Variants in GALNTL6 observed in about 807,000 individuals in gnomAD.
GALNTL6 encodes polypeptide N-acetylgalactosaminyltransferase like 6, also known as polypeptide N-acetylgalactosaminyltransferase-like 6.
Under a neutral mutation model 73.7 loss-of-function variants are expected in GALNTL6, and 46 were observed. The ratio of observed to expected loss-of-function variants is 0.62; its 90% CI spans 0.49 to 0.80. The LOEUF (loss-of-function observed/expected upper bound fraction) is 0.80, where lower values mean the gene tolerates loss of function less well. Ranked by LOEUF, GALNTL6 falls within the 30% of genes least tolerant of loss-of-function variation. The pLI, the probability that GALNTL6 is intolerant of heterozygous loss-of-function variation, is 0.00. For synonymous variants in GALNTL6, 259 were observed against 263.7 expected (o/e 0.98, Z 0.17); for missense variants, 604 against 755.0 (o/e 0.80, Z 2.34).
intron 5 of GALNTL6, among the ~76,000 whole-genome samples, chr4:172,661,306 C>A (rs1407215465): frequency 6.6e-6 from 1 of 152,160 alleles, no homozygotes; most frequent in Non-Finnish European, 1.5e-5. Flanking sequence ...TGCAACTCAC[C>A]CCTGGGTCTC....
At chr4:172,139,942 A>G (rs1309236218) in intron 2 of GALNTL6, among the ~76,000 whole-genome samples, 1 of 152,070 alleles carries the variant, frequency 6.6e-6, no homozygotes, top group Non-Finnish European at 1.5e-5. Context: ...AAATGTGTAT[A>G]TTGTACTCCA....
chr4:172,546,495 TA>T (rs35015321), intron 5 of GALNTL6, among the ~76,000 whole-genome samples: 122,556 of 147,970 alleles, frequency 0.83, 50,799 homozygotes, highest in Non-Finnish European at 0.87. Flanking sequence ...TACACAAGTT[TA>T]AAAAAAAAAA....
intron 5 of GALNTL6, among the ~76,000 whole-genome samples, chr4:172,362,804 A>G (rs574820768): frequency 2.6e-5 from 4 of 152,286 alleles, no homozygotes; most frequent in African/African-American, 9.6e-5. Context: ...AATTGCTCTT[A>G]TGATTCCTCT....
chr4:172,574,639 A>G (rs1019465610), intron 5 of GALNTL6, among the ~76,000 whole-genome samples: 3 of 151,814 alleles, frequency 2.0e-5, no homozygotes, highest in African/African-American at 7.3e-5. Flanking sequence ...AACCAGCAAC[A>G]ACTAATAACA....
chr4:172,570,144 A>G (rs1322021757), intron 5 of GALNTL6, among the ~76,000 whole-genome samples: 1 of 152,182 alleles, frequency 6.6e-6, no homozygotes, highest in Non-Finnish European at 1.5e-5. Context: ...TAAATCTTGG[A>G]CAAGCTCCAT....
chr4:172,417,696 G>A (rs564287311), intron 5 of GALNTL6, among the ~76,000 whole-genome samples: 149 of 152,130 alleles, frequency 9.8e-4, no homozygotes, highest in Admixed American at 1.8e-3. Flanking sequence ...AAGATATTGC[G>A]ATTGTTTTTC....
intron 5 of GALNTL6, among the ~76,000 whole-genome samples, chr4:172,574,411 ATTGT>A (rs1216208253): frequency 2.0e-5 from 3 of 151,350 alleles, no homozygotes; most frequent in South Asian, 2.1e-4. Flanking sequence ...ACATAAATAA[ATTGT>A]TTATTATTAA....
At chr4:172,579,424 A>G (rs1473875368) in intron 5 of GALNTL6, among the ~76,000 whole-genome samples, 1 of 152,178 alleles carries the variant, frequency 6.6e-6, no homozygotes, top group African/African-American at 2.4e-5. Context: ...CATGGCAGAT[A>G]GTAAAGTAAG....
At chr4:172,796,866 T>C (rs530211462) in intron 5 of GALNTL6, among the ~76,000 whole-genome samples, 42 of 152,372 alleles carry the variant, frequency 2.8e-4, no homozygotes, top group Non-Finnish European at 5.4e-4. Context: ...ATTGAAATTT[T>C]GTCATAGCAT....
chr4:172,956,249 T>C (rs1370094916), intron 10 of GALNTL6, among the ~76,000 whole-genome samples: 1 of 151,966 alleles, frequency 6.6e-6, no homozygotes, highest in Non-Finnish European at 1.5e-5. Flanking sequence ...GATTTTGTGG[T>C]AAGGGGTGAT....
intron 2 of GALNTL6, among the ~76,000 whole-genome samples, chr4:171,824,215 G>A (rs981117859): frequency 6.6e-6 from 1 of 151,264 alleles, no homozygotes; most frequent in Non-Finnish European, 1.5e-5. Flanking sequence ...ATTATATGAA[G>A]TTCACCATAT....
At chr4:172,003,123 T>C (rs1333501453) in intron 2 of GALNTL6, among the ~76,000 whole-genome samples, 1 of 152,142 alleles carries the variant, frequency 6.6e-6, no homozygotes, top group Non-Finnish European at 1.5e-5. Flanking sequence ...CCTGATGGCT[T>C]CCAGCAGCTT....
intron 11 of GALNTL6, among the ~76,000 whole-genome samples, chr4:173,017,480 A>C (rs1342168379): frequency 6.6e-6 from 1 of 152,262 alleles, no homozygotes; most frequent in Non-Finnish European, 1.5e-5. Flanking sequence ...ACAAGCTTGC[A>C]GACAGGAAAA....
At chr4:172,008,417 A>G (rs1182074949) in intron 2 of GALNTL6, among the ~76,000 whole-genome samples, 1 of 152,070 alleles carries the variant, frequency 6.6e-6, no homozygotes, top group African/African-American at 2.4e-5. Context: ...CATCCGTGTT[A>G]AATCTTTAAT....
chr4:172,666,176 T>C (rs1731650383), intron 5 of GALNTL6, among the ~76,000 whole-genome samples: 10 of 152,212 alleles, frequency 6.6e-5, no homozygotes, highest in Admixed American at 6.5e-4. Context: ...TTTCTTGAGC[T>C]CTTTATTTTG....
At chr4:172,253,408 G>A (rs1431897983) in intron 3 of GALNTL6, among the ~76,000 whole-genome samples, 1 of 151,880 alleles carries the variant, frequency 6.6e-6, no homozygotes, top group Non-Finnish European at 1.5e-5. Flanking sequence ...AGAATGTCAT[G>A]ACTGATGTAA....
intron 5 of GALNTL6, among the ~76,000 whole-genome samples, chr4:172,645,119 T>C (rs1431028314): frequency 6.6e-6 from 1 of 152,058 alleles, no homozygotes; most frequent in African/African-American, 2.4e-5. Flanking sequence ...TGGATTTGTC[T>C]ATTACAAATA....
chr4:172,777,451 T>G (rs1447402306), intron 5 of GALNTL6, among the ~76,000 whole-genome samples: 1 of 152,200 alleles, frequency 6.6e-6, no homozygotes, highest in East Asian at 1.9e-4. Context: ...CAGATCTCAA[T>G]TTCTTAAAAT....
At chr4:172,224,469 G>A (rs10017310) in intron 2 of GALNTL6, among the ~76,000 whole-genome samples, 59,436 of 151,948 alleles carry the variant, frequency 0.39, 11,795 homozygotes, top group Non-Finnish European at 0.41. Flanking sequence ...AACTAAGATA[G>A]GTTTTAGAAT....
Sources: allele counts gnomAD v4.1 joint callset (sites outside exome capture counted in the v4.1 genomes callset), GRCh38; gene constraint gnomAD v4.1.1; transcripts MANE v1.5; gene names NCBI Gene and HGNC (gene_info 2026-07-23, HGNC 2026-07-21).